NSG1: variants seen among roughly 807,000 people sequenced by gnomAD.
The protein encoded by NSG1 is neuronal vesicle trafficking associated 1.
Under a neutral mutation model 19.3 loss-of-function variants are expected in NSG1, and 9 were observed. The ratio of observed to expected loss-of-function variants is 0.47; its 90% CI spans 0.28 to 0.81. The LOEUF is 0.81. Among genes scored for constraint, NSG1 ranks in the 40% least tolerant of loss-of-function variants. NSG1 has a pLI of 0.11. For synonymous variants in NSG1, 104 were observed against 107.0 expected, an observed-to-expected ratio of 0.97 and a Z score of 0.17; for missense variants, 236 against 242.4, an observed-to-expected ratio of 0.97 and a Z score of 0.18.
chr4:4,397,712 C>T (rs959898987), intron 3 of NSG1, among the ~76,000 whole-genome samples: 1 of 152,204 alleles, frequency 6.6e-6, no homozygotes, highest in Non-Finnish European at 1.5e-5. Flanking sequence ...TGGGTGGCGG[C>T]CATCACCCAG....
chr4:4,399,684 C>T (rs187830976), intron 3 of NSG1, among the ~76,000 whole-genome samples: 1 of 152,082 alleles, frequency 6.6e-6, no homozygotes, highest in Non-Finnish European at 1.5e-5. Context: ...TCATAGCTAT[C>T]TAAGATAGCG....
At chr4:4,387,286 G>A (rs1006444639) in intron 1 of NSG1, 113 bp downstream of exon 1, 1 of 261,164 alleles carries the variant, frequency 3.8e-6, no homozygotes. Context: ...TGTGAACAGC[G>A]GGTCGCCCGG....
At chr4:4,414,951 TA>T (rs761520389) in intron 4 of NSG1, among the ~76,000 whole-genome samples, 6 of 148,976 alleles carry the variant, frequency 4.0e-5, no homozygotes, top group South Asian at 2.1e-4. Flanking sequence ...CCTCTGCCTT[TA>T]AAAAAAAACA....
At chr4:4,405,505 G>A (rs1393647729) in intron 3 of NSG1, among the ~76,000 whole-genome samples, 2 of 152,060 alleles carry the variant, frequency 1.3e-5, no homozygotes, top group Non-Finnish European at 2.9e-5. Flanking sequence ...ATGAGATGTG[G>A]GGCCCAGAGA....
At chr4:4,400,402 GTTCT>G (rs1398079948) in intron 3 of NSG1, among the ~76,000 whole-genome samples, 1 of 152,094 alleles carries the variant, frequency 6.6e-6, no homozygotes, top group Non-Finnish European at 1.5e-5. Context: ...CCTCCAATTT[GTTCT>G]TTGTTTTCAA....
chr4:4,391,504 A>C lies in NSG1; in HGVS notation c.159A>C (p.Glu53Asp), dbSNP rs761903599. ...TCGTGAAAACTAAGACCGAGTATGA[A>C]CCTGACCGCAAGAAAGGGAAAGCAC... ...KVVVKTKTEY[E>D]PDRKKGKARP... Residue 53 changes from glutamate (E) to aspartate (D), a missense_variant, in exon 3 of 5, where the codon GAA becomes GAC. Transcript: ENST00000621129. 1 of 1,613,160 alleles carries C rather than the reference A, an allele frequency of 6.2e-7. No individual in the cohort carries two copies. The highest frequency in any genetic ancestry group is 1.1e-5 in the South Asian group (1 of 90,994).
intron 3 of NSG1, among the ~76,000 whole-genome samples, chr4:4,393,589 C>T (rs1054957220): frequency 5.9e-5 from 9 of 152,250 alleles, no homozygotes; most frequent in African/African-American, 2.2e-4. Context: ...GCAGTAGGTG[C>T]TCAGTACATG....
At chr4:4,399,227 C>G (rs912405477) in intron 3 of NSG1, among the ~76,000 whole-genome samples, 1 of 152,168 alleles carries the variant, frequency 6.6e-6, no homozygotes, top group Non-Finnish European at 1.5e-5. Context: ...ACTGCAGCCT[C>G]GACCTCCTGG....
At chr4:4,413,595 G>A (rs1049680377) in intron 4 of NSG1, among the ~76,000 whole-genome samples, 8 of 151,218 alleles carry the variant, frequency 5.3e-5, no homozygotes, top group African/African-American at 1.9e-4. Flanking sequence ...GCGGGCAGTG[G>A]GGACGTGCTG....
chr4:4,403,675 A>T (rs1199257643), intron 3 of NSG1, among the ~76,000 whole-genome samples: 1 of 152,182 alleles, frequency 6.6e-6, no homozygotes, highest in Non-Finnish European at 1.5e-5. Context: ...TAGGGCCGTT[A>T]TTCAGCCAAC....
chr4:4,411,249 A>G (rs1359563019), intron 4 of NSG1, among the ~76,000 whole-genome samples: 3 of 152,224 alleles, frequency 2.0e-5, no homozygotes, highest in South Asian at 4.1e-4. Context: ...ATTTTTCTAC[A>G]TGTGCTTTTT....
At chr4:4,416,520 C>T (rs1397135690) in intron 4 of NSG1, among the ~76,000 whole-genome samples, 1 of 152,144 alleles carries the variant, frequency 6.6e-6, no homozygotes, top group East Asian at 1.9e-4. Context: ...CAGGCTGCAG[C>T]CACAGCTGCC....
intron 3 of NSG1, among the ~76,000 whole-genome samples, chr4:4,403,064 A>G (rs1723653366): frequency 3.3e-5 from 5 of 152,218 alleles, no homozygotes; most frequent in Admixed American, 3.3e-4. Context: ...GTGTGTGTTC[A>G]TTAGGAGATG....
At chr4:4,390,528 G>A (rs1314369703) in intron 2 of NSG1, among the ~76,000 whole-genome samples, 3 of 152,204 alleles carry the variant, frequency 2.0e-5, no homozygotes, top group Admixed American at 6.5e-5. Flanking sequence ...AGCAGGTGAC[G>A]GACTGCCCAA....
At chr4:4,414,260 G>C (rs1329109488) in intron 4 of NSG1, among the ~76,000 whole-genome samples, 3 of 151,976 alleles carry the variant, frequency 2.0e-5, no homozygotes, top group African/African-American at 7.2e-5. Context: ...GTGTCCGGCT[G>C]CAGATGAGAC....
chr4:4,397,455 C>T (rs1723312876), intron 3 of NSG1, among the ~76,000 whole-genome samples: 1 of 152,240 alleles, frequency 6.6e-6, no homozygotes, highest in Non-Finnish European at 1.5e-5. Flanking sequence ...TGTGCTCCGT[C>T]CTCCATGCCA....
At chr4:4,402,989 A>G (rs1488513786) in intron 3 of NSG1, among the ~76,000 whole-genome samples, 1 of 152,158 alleles carries the variant, frequency 6.6e-6, no homozygotes, top group Non-Finnish European at 1.5e-5. Context: ...TGCAAACTAA[A>G]TCCACGTTCT....
chr4:4,388,920 A>G (rs1419394448), intron 2 of NSG1, among the ~76,000 whole-genome samples: 1 of 152,132 alleles, frequency 6.6e-6, no homozygotes, highest in Non-Finnish European at 1.5e-5. Context: ...CGGTGGTGCC[A>G]CTCTGGGCCA....
chr4:4,414,081 C>G (rs1724381245), intron 4 of NSG1, among the ~76,000 whole-genome samples: 1 of 152,074 alleles, frequency 6.6e-6, no homozygotes, highest in Non-Finnish European at 1.5e-5. Flanking sequence ...CCAGTGGCTT[C>G]ACCAGCTGCC....
Sources: gnomAD v4.1 joint callset for allele counts (sites outside exome capture counted in the v4.1 genomes callset) on GRCh38, gnomAD v4.1.1 for gene constraint, MANE v1.5 for transcripts, NCBI Gene and HGNC (gene_info 2026-07-23, HGNC 2026-07-21) for gene names.